The following TP73 variants were observed in gnomAD, a reference collection of about 807,000 sequenced individuals.
The protein encoded by TP73 is p53-like transcription factor.
In TP73, 25 loss-of-function variants were observed where a neutral mutation model predicts 62.5. The observed-to-expected ratio is 0.40, with a 90% CI of 0.29 to 0.56. TP73 has a LOEUF of 0.56. Among genes scored for constraint, TP73 ranks in the 20% least tolerant of loss-of-function variants. The pLI, the probability that TP73 is intolerant of heterozygous loss-of-function variation, is 0.46. For missense variants in TP73, 754 were observed against 913.3 expected (o/e 0.83, Z 2.25); for synonymous variants, 423 against 377.5 (o/e 1.12, Z -1.40).
chr1:3,690,758 C>A, intron 3 of TP73: 1 of 1,472,764 alleles, frequency 6.8e-7, no homozygotes, highest in Non-Finnish European at 9.0e-7. Flanking sequence ...ATCCTCGGCT[C>A]CTGCCTCACT....
At chr1:3,654,207 T>G (rs1644817641) in intron 1 of TP73, among the ~76,000 whole-genome samples, 1 of 152,180 alleles carries the variant, frequency 6.6e-6, no homozygotes, top group Non-Finnish European at 1.5e-5. Context: ...AAAGTTGGTG[T>G]CAGAGGCTGC....
intron 7 of TP73, 147 bp from the exon 8 acceptor site, chr1:3,727,481 G>C: frequency 8.2e-7 from 1 of 1,220,336 alleles, no homozygotes; most frequent in Non-Finnish European, 1.1e-6. Flanking sequence ...TCCCTCTAGC[G>C]GGAACACTCG....
intron 1 of TP73, 155 bp downstream of exon 1, chr1:3,652,796 G>A (rs1644782243): frequency 6.6e-6 from 1 of 152,368 alleles, no homozygotes; most frequent in South Asian, 2.1e-4. Flanking sequence ...GGCTCCCTCG[G>A]AGTTGGATCG....
At position 3,672,793 on chromosome 1, in the gene TP73, C is replaced by T. The variant is rs1033712799; in HGVS notation, c.-33-9540C>T. Among the ~76,000 whole-genome samples, 3 of 152,170 alleles carry T rather than the reference C, an allele frequency of 2.0e-5. No individual in the cohort carries two copies. Among genetic ancestry groups the T allele is most frequent in the African/African-American group, 7.2e-5 (3 of 41,428 alleles). On this transcript the variant is annotated intron_variant, in intron 1 of 13. Transcript: ENST00000378295. The surrounding 1 kb of genome is among the most constrained non-coding windows in gnomAD (Gnocchi z 5.3). ...TGACAGGGCCCCACTTCCCTCCTGC[C>T]GCCAACCTCGTCCCCCCAAGGGCCA... is the stretch of plus-strand genomic sequence containing the variant.
chr1:3,690,556 C>T (rs1230760555), intron 3 of TP73: 1 of 1,074,736 alleles, frequency 9.3e-7, no homozygotes, highest in African/African-American at 1.6e-5. Flanking sequence ...CGTCCCCGCC[C>T]TCCCCACGCA....
chr1:3,667,003 G>A (rs898457818), intron 1 of TP73, among the ~76,000 whole-genome samples: 9 of 152,242 alleles, frequency 5.9e-5, no homozygotes, highest in African/African-American at 2.2e-4. Context: ...GCAGGATCCA[G>A]GTGGGTCCAG....
chr1:3,688,902 G>A (rs1313928514), intron 3 of TP73, among the ~76,000 whole-genome samples: 1 of 152,132 alleles, frequency 6.6e-6, no homozygotes, highest in Non-Finnish European at 1.5e-5. Flanking sequence ...TCTCCTTTTG[G>A]CTATTTATAA....
Position 3,662,650 on chromosome 1 carries a change from C to A in TP73, c.-34+10009C>A, listed in dbSNP as rs1645022303. Among the ~76,000 whole-genome samples, 2 of 152,198 alleles carry A rather than the reference C, an allele frequency of 1.3e-5. No homozygotes were observed. The highest frequency in any genetic ancestry group is 2.4e-5 in the African/African-American group (1 of 41,456). ...GCAGTTACTCGAAATAATGGATATA[C>A]CCAAGGCATGTTTGGGGTGGCACAT... On this transcript the variant is annotated intron_variant, in intron 1 of 13. Transcript: ENST00000378295. The surrounding 1 kb of genome is among the most constrained non-coding windows in gnomAD (Gnocchi z 4.4).
At chr1:3,723,719 G>A (rs1314720293) in intron 6 of TP73, among the ~76,000 whole-genome samples, 1 of 152,254 alleles carries the variant, frequency 6.6e-6, no homozygotes, top group Non-Finnish European at 1.5e-5. Flanking sequence ...GGGCCTCAGT[G>A]TGCCCAGCTC....
At chr1:3,673,861 G>A (rs6671482) in intron 1 of TP73, among the ~76,000 whole-genome samples, 45,919 of 152,044 alleles carry the variant, frequency 0.3, 7,015 homozygotes, top group East Asian at 0.4. Context: ...GGCAGGGTGC[G>A]GGGTGTGGCT....
intron 1 of TP73, among the ~76,000 whole-genome samples, chr1:3,661,279 G>A (rs1017087305): frequency 1.1e-4 from 16 of 152,144 alleles, no homozygotes; most frequent in Non-Finnish European, 1.9e-4. Context: ...TTGGAAAGTT[G>A]TCAAAATGTC....
intron 3 of TP73, among the ~76,000 whole-genome samples, chr1:3,692,044 A>ATG (rs1645851447): frequency 2.0e-5 from 3 of 152,142 alleles, no homozygotes; most frequent in Admixed American, 1.3e-4. Flanking sequence ...ATATGTGCAG[A>ATG]TGTGTGTGTG....
At chr1:3,712,838 C>G (rs1200764905) in intron 4 of TP73, among the ~76,000 whole-genome samples, 3 of 152,146 alleles carry the variant, frequency 2.0e-5, no homozygotes, top group Non-Finnish European at 4.4e-5. Context: ...CCGGACCTGG[C>G]CCCAGCAGCC....
intron 3 of TP73, among the ~76,000 whole-genome samples, chr1:3,697,658 G>A (rs533809145): frequency 1.9e-4 from 29 of 152,334 alleles, no homozygotes; most frequent in Middle Eastern, 3.4e-3. Context: ...CACCTGGGAG[G>A]GTGCTAGGAT....
At chr1:3,726,903 A>ATGGATGGG (rs1368912817) in intron 6 of TP73, among the ~76,000 whole-genome samples, 18 of 144,366 alleles carry the variant, frequency 1.2e-4, no homozygotes, top group Admixed American at 8.2e-4. Flanking sequence ...AATGGGTTCG[A>ATGGATGGG]TGGATGGATG....
At position 3,696,921 on chromosome 1, in the gene TP73, C is replaced by A. The variant is rs1313777760; in HGVS notation, c.187-10628C>A. Among the ~76,000 whole-genome samples, 1 of 152,168 alleles carries A rather than the reference C, an allele frequency of 6.6e-6. No homozygotes were observed. Among genetic ancestry groups the A allele is most frequent in the Non-Finnish European group, 1.5e-5 (1 of 68,012 alleles). On this transcript the variant is annotated intron_variant, in intron 3 of 13. Coordinates refer to ENST00000378295, the MANE Select transcript of TP73 (RefSeq NM_005427.4). The surrounding 1 kb of genome is among the most constrained non-coding windows in gnomAD (Gnocchi z 4.1). ...TGCCACCCTCGGCCAGCTGCTATTT[C>A]TGTCTCCTTTGTTCTGTCCCCCATT...
Position 3,729,369 on chromosome 1 carries a change from G to A in TP73, c.1117G>A (p.Glu373Lys). ...CTTTGAGATCCTGATGAAGCTGAAA[G>A]AGAGCCTGGAGCTGATGGAGTTGGT... is the stretch of plus-strand genomic sequence containing the variant. Reference protein sequence around the residue: ...ENFEILMKLKESLELMELVPQ... With the variant: ...ENFEILMKLKKSLELMELVPQ... The change falls in exon 10 of 14, where the codon GAG becomes AAG. Residue 373 changes from glutamate to lysine, a missense_variant. Glu to Lys is a moderately conservative substitution (Grantham distance 56, BLOSUM62 1). This residue lies in a region of TP73 where 458 missense variants were observed against 528.7 expected (regional missense o/e 0.87). Coordinates refer to ENST00000378295, the MANE Select transcript of TP73 (RefSeq NM_005427.4). 6.2e-7 allele frequency: 1 copy of A among 1,613,252 alleles called. No homozygotes were observed. Among genetic ancestry groups the A allele is most frequent in the Non-Finnish European group, 8.5e-7 (1 of 1,180,010 alleles).
intron 8 of TP73, 105 bp downstream of exon 8, chr1:3,727,875 C>A: frequency 7.1e-7 from 1 of 1,412,502 alleles, no homozygotes; most frequent in Non-Finnish European, 9.3e-7. Context: ...AGTCCCTGAA[C>A]GGCCCCCCAC....
intron 1 of TP73, among the ~76,000 whole-genome samples, chr1:3,679,775 T>G (rs1570421947): frequency 6.6e-6 from 1 of 150,976 alleles, no homozygotes; most frequent in East Asian, 2.0e-4. Flanking sequence ...TCTTTGTCCT[T>G]GTCTCTCTGT....
Sources: allele counts gnomAD v4.1 joint callset (sites outside exome capture counted in the v4.1 genomes callset), GRCh38; gene constraint gnomAD v4.1.1; regional missense constraint gnomAD v4.1.1; non-coding constraint Gnocchi (gnomAD v3.1); transcripts MANE v1.5; gene names NCBI Gene and HGNC (gene_info 2026-07-23, HGNC 2026-07-21).